TTN: variants seen among roughly 807,000 people sequenced by gnomAD.
TTN encodes the protein connectin.
A neutral mutation model predicts 3,223.0 loss-of-function variants in TTN; 1,525 were observed. The observed-to-expected ratio is 0.47, with a 90% CI of 0.45 to 0.49. The LOEUF (loss-of-function observed/expected upper bound fraction) is 0.49, where lower values mean the gene tolerates loss of function less well. TTN is among the 20% of genes least tolerant of loss of function. The pLI is 0.00. For synonymous variants in TTN, 14,094 were observed against 15,161.0 expected (o/e 0.93, Z 5.17); for missense variants, 40,786 against 43,424.0 (o/e 0.94, Z 5.40).
chr2:178,752,081 T>C, intron 47 of TTN: 1 of 1,544,774 alleles, frequency 6.5e-7, no homozygotes, highest in Non-Finnish European at 8.7e-7. Context: ...TCCATAGAAC[T>C]TGAAAAAGTT....
chr2:178,700,008 C>T (rs1327984820), intron 111 of TTN, among the ~76,000 whole-genome samples: 1 of 152,120 alleles, frequency 6.6e-6, no homozygotes, highest in Non-Finnish European at 1.5e-5. Context: ...AGCCACCGCG[C>T]CAGGCCTCTT....
At chr2:178,800,776 TGATGAC>T in intron 3 of TTN, 94 bp from the exon 4 acceptor site, 1 of 1,395,960 alleles carries the variant, frequency 7.2e-7, no homozygotes, top group Non-Finnish European at 9.6e-7. Flanking sequence ...CAAAACCAGG[TGATGAC>T]TCGCCAATCT....
At position 178,632,518 on chromosome 2, in the gene TTN, C is replaced by T. The variant is rs1267914380; in HGVS notation, c.43480+8G>A. ...TTTTGGGGTGGACTATTTGATAAAA[C>T]TATTTACCTTCAATGATCAGTTTGC... is the stretch of plus-strand genomic sequence containing the variant. On this transcript the variant is annotated splice_region_variant and intron_variant, in intron 235 of 362. Transcript: ENST00000589042. The T allele has an allele frequency of 1.9e-6, 3 of 1,611,386 alleles. No individual in the cohort carries two copies. In the Admixed American group the frequency reaches 5.0e-5, roughly 27 times the overall value.
chr2:178,648,422 T>A (rs1225360766), intron 213 of TTN, among the ~76,000 whole-genome samples: 2 of 152,080 alleles, frequency 1.3e-5, no homozygotes, highest in Non-Finnish European at 2.9e-5. Context: ...TTTTTTTAAT[T>A]TTTTTGAGAC....
At position 178,715,584 on chromosome 2, in the gene TTN, G is replaced by A; in HGVS notation, c.25830C>T (p.His8610=). 6.2e-7 allele frequency: 1 copy of A among 1,613,518 alleles called. No homozygotes were observed. The highest frequency in any genetic ancestry group is 8.5e-7 in the Non-Finnish European group (1 of 1,179,648). ...CTCCACTGTCTTCAACACTGAGATTGTGCATTTCCAGCACAGCCACCGAGT... is the reference window on the plus strand; with the variant it reads ...CTCCACTGTCTTCAACACTGAGATTATGCATTTCCAGCACAGCCACCGAGT... ...FVDSVAVLEM[H]NLSVEDSGDY... Residue 8610 remains histidine, a synonymous_variant, in exon 89 of 363, where the codon CAC becomes CAT. Transcript: ENST00000589042.
chr2:178,739,698 C>T lies in TTN; in HGVS notation c.13535G>A (p.Gly4512Asp). ...SLQEEMDSFS[G>D]SQKVEPITEP... Reference sequence around the variant, plus strand: ...AGTAATGGGTTCAACCTTCTGTGAACCTGAAAAAGAATCCATTTCTTCTTG... The same window carrying T: ...AGTAATGGGTTCAACCTTCTGTGAATCTGAAAAAGAATCCATTTCTTCTTG... Residue 4512 changes from glycine (G) to aspartate (D), a missense_variant, in exon 48 of 363, where the codon GGT becomes GAT. Gly to Asp is a moderately conservative substitution (Grantham distance 94). Coordinates refer to ENST00000589042, the MANE Select transcript of TTN (RefSeq NM_001267550.2). 6.2e-7 allele frequency: 1 copy of T among 1,613,906 alleles called. No individual in the cohort carries two copies. The highest frequency in any genetic ancestry group is 1.1e-5 in the South Asian group (1 of 91,084).
chr2:178,686,220 A>T (rs889596438), intron 127 of TTN, among the ~76,000 whole-genome samples: 5 of 131,588 alleles, frequency 3.8e-5, no homozygotes, highest in African/African-American at 1.5e-4. Context: ...TCCCGGGTTC[A>T]CGCCATTCTC....
chr2:178,591,837 G>T lies in TTN; in HGVS notation c.59982C>A (p.Val19994=). 6.2e-7 allele frequency: 1 copy of T among 1,613,248 alleles called. No homozygotes were observed. The change falls in exon 303 of 363, where the codon GTC becomes GTA. Residue 19994 remains valine (V), a synonymous_variant. Transcript: ENST00000589042. ...LHHVDVDKTE[V]SLVWNKPDRD... is the part of the protein sequence containing the mutation. The stretch of plus-strand genomic sequence containing the variant: ...GATCCGGCTTATTCCAGACTAGGGA[G>T]ACTTCAGTCTTGTCAACATCTACAT...
rs768200270 is a variant in TTN, at chr2:178,530,568, G to T, written c.106047C>A (p.Leu35349=). The change falls in exon 358 of 363, where the codon CTC becomes CTA. Residue 35349 remains leucine (L), a synonymous_variant. Transcript: ENST00000589042. ...DGTYELKINN[L]TESDQGEYVC... ...CATATTCTCCTTGATCAGATTCAGT[G>T]AGGTTATTGATTTTGAGCTCATAGG... 5 of 1,613,882 alleles carry T rather than the reference G, an allele frequency of 3.1e-6. No homozygotes were observed. In the African/African-American group the frequency reaches 6.7e-5, roughly 22 times the overall value.
chr2:178,565,006 C>G lies in TTN; in HGVS notation c.81126G>C (p.Glu27042Asp), dbSNP rs766412271. The G allele has an allele frequency of 6.2e-7, 1 of 1,613,162 alleles. No homozygotes were observed. The highest frequency in any genetic ancestry group is 2.2e-5 in the East Asian group (1 of 44,846). The part of the protein sequence containing the change: ...IKITKLKTGT[E>D]YQFRIFAENR... ...TTTCAGCAAAAATTCTAAACTGGTA[C>G]TCCGTGCCTGTTTTCAGTTTGGTTA... The change falls in exon 326 of 363, where the codon GAG becomes GAC. Residue 27042 changes from glutamate to aspartate, a missense_variant. By Grantham distance (45) the Glu-to-Asp change is conservative. Coordinates refer to ENST00000589042, the MANE Select transcript of TTN (RefSeq NM_001267550.2).
At chr2:178,727,931 G>A in intron 67 of TTN, 68 bp from the exon 68 acceptor site, 2 of 1,469,554 alleles carry the variant, frequency 1.4e-6, no homozygotes, top group African/African-American at 2.8e-5. Context: ...CAGTTTTATG[G>A]ACATTTAAGA....
At position 178,624,464 on chromosome 2, in the gene TTN, C is replaced by T. The variant is rs1274007753; in HGVS notation, c.44815+1G>A. ...AAGTCCTTTGTAAGAAGAATACTTACGCACGACATTCAGGTTACAGGAAGT... is the reference window on the plus strand; with the variant it reads ...AAGTCCTTTGTAAGAAGAATACTTATGCACGACATTCAGGTTACAGGAAGT... On this transcript the variant is annotated splice_donor_variant, in intron 242 of 362. Coordinates refer to ENST00000589042, the MANE Select transcript of TTN (RefSeq NM_001267550.2). LOFTEE classifies it high-confidence loss of function. The T allele has an allele frequency of 1.9e-6, 3 of 1,612,092 alleles. No homozygotes were observed. The highest frequency in any genetic ancestry group is 1.1e-5 in the South Asian group (1 of 90,970).
chr2:178,582,236 T>C, intron 314 of TTN, 28 bp from the exon 315 acceptor site: 4 of 1,584,390 alleles, frequency 2.5e-6, no homozygotes, highest in Middle Eastern at 1.7e-4. Context: ...AAAGTTAATT[T>C]CCCAGGCTAA....
Position 178,722,036 on chromosome 2 carries a change from G to T in TTN, c.22627C>A (p.Pro7543Thr). 4 of 1,613,390 alleles carry T rather than the reference G, an allele frequency of 2.5e-6. No individual in the cohort carries two copies. The South Asian group carries it at 4.4e-5, about 18-fold the overall frequency. ...DFECHVTGAQPMRITWSKDNK... is the reference protein window; with the variant it reads ...DFECHVTGAQTMRITWSKDNK... ...TCTTTTGACCAAGTGATTCGCATCG[G>T]TTGAGCACCAGTAACATGACACTCA... Residue 7543 changes from proline (P) to threonine (T), a missense_variant, in exon 78 of 363, where the codon CCG (proline) becomes ACG (threonine). Transcript: ENST00000589042.
At chr2:178,640,330 C>T (rs965190102) in intron 221 of TTN, among the ~76,000 whole-genome samples, 1 of 151,578 alleles carries the variant, frequency 6.6e-6, no homozygotes, top group African/African-American at 2.4e-5. Flanking sequence ...ATCTCATTGC[C>T]CATAAATACA....
chr2:178,770,364 T>C (rs987617729), intron 35 of TTN, 44 bp from the exon 36 acceptor site: 2 of 1,614,044 alleles, frequency 1.2e-6, no homozygotes, highest in Non-Finnish European at 1.7e-6. Context: ...GTTAACTTAA[T>C]GGTAACCATG....
At chr2:178,782,164 A>C in intron 20 of TTN, 48 bp downstream of exon 20, 1 of 1,605,396 alleles carries the variant, frequency 6.2e-7, no homozygotes, top group Non-Finnish European at 8.5e-7. Context: ...GGCTTCATGC[A>C]CGTATTATAC....
In TTN at chr2:178,706,541, C is replaced by T. The variant is rs775854531; in HGVS notation, c.29333G>A (p.Gly9778Asp). ...TAAGTTAACATTACTTTCAATTTCA[C>T]CATGTTCGTTAAATGCCACGCATCG... ...LYRCVAFNEH[G>D]EIESNVNLQV... The change falls in exon 102 of 363, where the codon GGT (glycine) becomes GAT (aspartate). Residue 9778 changes from glycine to aspartate, a missense_variant. Transcript: ENST00000589042. 2.0e-5 allele frequency: 33 copies of T among 1,613,694 alleles called. No homozygotes were observed. The highest frequency in any genetic ancestry group is 2.4e-5 in the Non-Finnish European group (28 of 1,179,818).
In TTN at chr2:178,692,532, G is replaced by C. The variant is rs753460621; in HGVS notation, c.31643C>G (p.Pro10548Arg). ...TGGGGGCTCCACTTTTTTAGGGATA[G>C]GAACAGGGGCCACTTCTTCTGGAGC... ...KPAPEEVAPV[P>R]IPKKVEPPAP... The change falls in exon 120 of 363, where the codon CCT (proline) becomes CGT (arginine). Residue 10548 changes from proline to arginine, a missense_variant. Coordinates refer to ENST00000589042, the MANE Select transcript of TTN (RefSeq NM_001267550.2). 6.3e-7 allele frequency: 1 copy of C among 1,585,038 alleles called. No homozygotes were observed. The highest frequency in any genetic ancestry group is 1.2e-5 in the South Asian group (1 of 85,602).
Sources: gnomAD v4.1 joint callset for allele counts (sites outside exome capture counted in the v4.1 genomes callset) on GRCh38, gnomAD v4.1.1 for gene constraint, MANE v1.5 for transcripts, NCBI Gene and HGNC (gene_info 2026-07-23, HGNC 2026-07-21) for gene names.